The following N4BP2L2 variants were observed in gnomAD, a reference collection of about 807,000 sequenced individuals.
The protein encoded by N4BP2L2 is NEDD4-binding protein 2-like 2.
N4BP2L2 carries 50 observed loss-of-function variants against 56.2 expected under a neutral mutation model. That is an observed-to-expected ratio of 0.89 (90% CI 0.71 to 1.13). The LOEUF is 1.13. Ranked by LOEUF, N4BP2L2 falls within the 50% of genes most tolerant of loss-of-function variation. The pLI is 0.00. For synonymous variants in N4BP2L2, 203 were observed against 223.6 expected (o/e 0.91, Z 0.82); for missense variants, 689 against 693.8 (o/e 0.99, Z 0.08).
intron 6 of N4BP2L2, among the ~76,000 whole-genome samples, chr13:32,449,469 A>G (rs1275005929): frequency 6.6e-6 from 1 of 152,358 alleles, no homozygotes; most frequent in East Asian, 1.9e-4. Flanking sequence ...GCATGAAAAA[A>G]GTTAAACTGC....
chr13:32,536,352 T>C (rs749812344), exon 2 of N4BP2L2: 70 of 1,613,998 alleles, frequency 4.3e-5, no homozygotes, highest in Non-Finnish European at 5.8e-5. Context: ...ATAGCTTTAT[T>C]ACTAAGATCT....
At chr13:32,522,088 G>T in intron 4 of N4BP2L2, 94 bp downstream of exon 4, 1 of 779,026 alleles carries the variant, frequency 1.3e-6, no homozygotes, top group Non-Finnish European at 2.1e-6. Context: ...AAGGACAAAT[G>T]TTTTAATAAT....
chr13:32,454,306 G>A (rs1353689390), intron 6 of N4BP2L2, among the ~76,000 whole-genome samples: 1 of 152,082 alleles, frequency 6.6e-6, no homozygotes, highest in Non-Finnish European at 1.5e-5. Flanking sequence ...ATCACTAGCT[G>A]ACTACTAAAC....
intron 2 of N4BP2L2, among the ~76,000 whole-genome samples, chr13:32,530,889 T>TA (rs3075024): frequency 0.2 from 26,426 of 130,316 alleles, 2,848 homozygotes; most frequent in Non-Finnish European, 0.26. Flanking sequence ...CGGAGATTAC[T>TA]AAAAAAAAAA....
intron 6 of N4BP2L2, among the ~76,000 whole-genome samples, chr13:32,499,208 C>T (rs1260870044): frequency 1.3e-5 from 2 of 152,082 alleles, no homozygotes; most frequent in African/African-American, 2.4e-5. Context: ...CTACTTTTCA[C>T]TCACTGACTA....
chr13:32,503,601 T>C (rs918360695), intron 6 of N4BP2L2, among the ~76,000 whole-genome samples: 1 of 152,218 alleles, frequency 6.6e-6, no homozygotes, highest in Non-Finnish European at 1.5e-5. Flanking sequence ...TAGGTAACAA[T>C]TCCTTAAAAT....
At chr13:32,509,764 A>C (rs1042918795), downstream of N4BP2L2, among the ~76,000 whole-genome samples, 1 of 152,206 alleles carries the variant, frequency 6.6e-6, no homozygotes, top group Non-Finnish European at 1.5e-5. Flanking sequence ...AAACTATCTT[A>C]ATCTATTCAT....
intron 5 of N4BP2L2, 152 bp from the exon 6 acceptor site, chr13:32,518,155 T>G (rs2049712558): frequency 1.4e-6 from 1 of 735,094 alleles, no homozygotes; most frequent in Non-Finnish European, 2.1e-6. Context: ...TAAAAAGACT[T>G]ATTAAAAACT....
chr13:32,443,774 TAG>T lies in N4BP2L2; in HGVS notation c.716_717del (p.Ser239Ter), dbSNP rs1223558288. The T allele has an allele frequency of 3.2e-6, 5 of 1,579,406 alleles. No homozygotes were observed. The highest frequency in any genetic ancestry group is 4.3e-6 in the Non-Finnish European group (5 of 1,165,648). ...CTTACAAACAAGTTATCACCTTCCTTAGAGAGGTAATTCTTTGGTGTGTTGTC... is the reference window on the plus strand; with the variant it reads ...CTTACAAACAAGTTATCACCTTCCTTAGAGGTAATTCTTTGGTGTGTTGTC... On this transcript the variant is annotated frameshift_variant, in exon 7 of 10. Transcript: ENST00000357505. LOFTEE classifies it high-confidence loss of function.
intron 2 of N4BP2L2, among the ~76,000 whole-genome samples, chr13:32,531,841 A>G (rs1460738531): frequency 1.3e-5 from 2 of 152,222 alleles, no homozygotes; most frequent in African/African-American, 2.4e-5. Context: ...AGCTAAAAAC[A>G]AAGTGTGTGC....
intron 5 of N4BP2L2, 64 bp downstream of exon 5, chr13:32,521,309 G>T: frequency 8.4e-7 from 1 of 1,195,096 alleles, no homozygotes; most frequent in Middle Eastern, 2.6e-4. Context: ...ACTGTGAAAG[G>T]ATGTCAGAAT....
intron 6 of N4BP2L2, among the ~76,000 whole-genome samples, chr13:32,464,360 AG>A (rs1186309132): frequency 2.0e-5 from 3 of 152,224 alleles, no homozygotes; most frequent in Non-Finnish European, 4.4e-5. Flanking sequence ...AATTATTGGT[AG>A]GACACTGGAG....
At chr13:32,446,486 G>A in intron 6 of N4BP2L2, 1 of 1,318,846 alleles carries the variant, frequency 7.6e-7, no homozygotes, top group East Asian at 5.1e-5. Context: ...CCATCCTGTT[G>A]CAGGGCAAGG....
Position 32,443,123 on chromosome 13 carries a change from G to A in N4BP2L2, c.1369C>T (p.Pro457Ser), listed in dbSNP as rs747719292. 1.1e-5 allele frequency: 18 copies of A among 1,613,136 alleles called. No individual in the cohort carries two copies. The East Asian group carries it at 2.9e-4, about 26-fold the overall frequency. ...TCTAAGGCATTCTTTGGTATATCCG[G>A]TTGAGGTAAGCAGCTTCTGAAGAGG... Residue 457 changes from proline (P) to serine (S), a missense_variant, in exon 7 of 10, where the codon CCG (proline) becomes TCG (serine). Transcript: ENST00000357505.
intron 6 of N4BP2L2, among the ~76,000 whole-genome samples, chr13:32,447,187 T>C (rs1443021507): frequency 6.6e-6 from 1 of 152,328 alleles, no homozygotes; most frequent in East Asian, 1.9e-4. Context: ...ATCACTAACT[T>C]AATAGTATCT....
Position 32,526,176 on chromosome 13 carries a change from G to A in N4BP2L2, c.1384+1232C>T, listed in dbSNP as rs529865245. On this transcript the variant is annotated intron_variant, in intron 3 of 5. Coordinates refer to ENST00000267068, the Ensembl canonical transcript of N4BP2L2. ...CTACAGCATGTGGAACTTTCTACAG[G>A]ACAAACAACATAGTTTCTGCAACAA... is the stretch of plus-strand genomic sequence containing the variant. 3.5e-3 allele frequency among the ~76,000 whole-genome samples: 529 copies of A among 152,218 alleles called. 3 individuals are homozygous for A. Among genetic ancestry groups the A allele is most frequent in the South Asian group, 0.019 (92 of 4,820 alleles).
At position 32,536,761 on chromosome 13, in the gene N4BP2L2, A is replaced by G. The variant is rs61733776; in HGVS notation, c.267T>C (p.Asn89=). 14,054 of 1,614,054 alleles carry G rather than the reference A, an allele frequency of 8.7e-3. 992 individuals are homozygous for G. In the African/African-American group the frequency reaches 0.16, roughly 18 times the overall value. ...CAATGGATTCAATAACATCTGGTCT[A>G]TTACCAGGCATCTCATCATGCAAAG... The change falls in exon 2 of 6, where the codon AAT becomes AAC. Residue 89 remains asparagine (N), a synonymous_variant. Transcript: ENST00000267068.
intron 6 of N4BP2L2, among the ~76,000 whole-genome samples, chr13:32,465,026 G>C (rs1055428984): frequency 3.9e-5 from 6 of 152,000 alleles, no homozygotes; most frequent in Admixed American, 3.3e-4. Flanking sequence ...GAGTGCAGGG[G>C]CTCAATCTCG....
chr13:32,445,015 G>A (rs1164938181), intron 6 of N4BP2L2, among the ~76,000 whole-genome samples: 1 of 152,218 alleles, frequency 6.6e-6, no homozygotes, highest in African/African-American at 2.4e-5. Flanking sequence ...TTGGGAAGCT[G>A]AGGTAGGTGG....
Sources: gnomAD v4.1 joint callset for allele counts (sites outside exome capture counted in the v4.1 genomes callset) on GRCh38, gnomAD v4.1.1 for gene constraint, MANE v1.5 for transcripts, NCBI Gene and HGNC (gene_info 2026-07-23, HGNC 2026-07-21) for gene names.